The following MRPL42 variants were observed in gnomAD, a reference collection of about 807,000 sequenced individuals.
The protein encoded by MRPL42 is large ribosomal subunit protein mL42.
Under a neutral mutation model 17.9 loss-of-function variants are expected in MRPL42, and 17 were observed. That is an observed-to-expected ratio of 0.95 (90% CI 0.65 to 1.42). The LOEUF (loss-of-function observed/expected upper bound fraction) is 1.42, where lower values mean the gene tolerates loss of function less well. Ranked by LOEUF, MRPL42 falls within the 40% of genes most tolerant of loss-of-function variation. The pLI is 0.00. For missense variants in MRPL42, 177 were observed against 175.2 expected (o/e 1.01, Z -0.06); for synonymous variants, 59 against 54.4 (o/e 1.08, Z -0.37).
rs2061817345 is a variant in MRPL42 at position 93,510,951 on chromosome 12, C to G, written c.*9730C>G. 1 of 152,112 alleles carries G rather than the reference C, an allele frequency of 6.6e-6. No individual in the cohort carries two copies. The highest frequency in any genetic ancestry group is 2.4e-5 in the African/African-American group (1 of 41,432). The allele number at this position is 152,112 out of a possible 1,614,324, so 9.4% of individuals were successfully genotyped here. A position where few individuals can be genotyped will look rare whatever the true frequency, so the allele number is the denominator to read the frequency against. On this transcript the variant is annotated 3_prime_UTR_variant, in exon 6 of 6. Transcript: ENST00000549982. The stretch of plus-strand genomic sequence containing the variant: ...TGTGAAGGTTTGGGGTAATTTGTTT[C>G]ATTTATCTTTAACACCATGTTATGG...
At chr12:93,468,059 G>A (rs562784508) in intron 1 of MRPL42, among the ~76,000 whole-genome samples, 1 of 152,330 alleles carries the variant, frequency 6.6e-6, no homozygotes, top group Admixed American at 6.5e-5. Context: ...GTATTAAGCA[G>A]CGATATACTG....
intron 4 of MRPL42, among the ~76,000 whole-genome samples, chr12:93,483,367 CACTT>C (rs1453569009): frequency 9.9e-5 from 15 of 152,268 alleles, no homozygotes; most frequent in Middle Eastern, 3.4e-3. Context: ...CATAGAGTGT[CACTT>C]ACGCAAACCT....
At position 93,511,806 on chromosome 12, in the gene MRPL42, A is replaced by C. The variant is rs1398233025; in HGVS notation, c.*10585A>C. ...GTGGTTTGAAGCTTTGTAGGAATCC[A>C]ATTGGATGGATAGCAGCAGTGGTAA... On this transcript the variant is annotated 3_prime_UTR_variant, in exon 6 of 6. Coordinates refer to ENST00000549982, the MANE Select transcript of MRPL42 (RefSeq NM_014050.4). The C allele has an allele frequency of 6.6e-6, 1 of 152,242 alleles. No individual in the cohort carries two copies. The highest frequency in any genetic ancestry group is 1.5e-5 in the Non-Finnish European group (1 of 68,042). 9.4% of individuals were successfully genotyped at this position (152,242 alleles called of 1,614,324 possible).
intron 2 of MRPL42, among the ~76,000 whole-genome samples, chr12:93,475,834 A>G (rs1381677119): frequency 6.6e-6 from 1 of 151,860 alleles, no homozygotes; most frequent in African/African-American, 2.4e-5. Flanking sequence ...ATACAAAAAA[A>G]TTAGCCAGGC....
In MRPL42 at chr12:93,501,767, A is replaced by G. The variant is rs1454449096; in HGVS notation, c.*546A>G. 6.6e-6 allele frequency: 1 copy of G among 152,218 alleles called. No individual in the cohort carries two copies. Among genetic ancestry groups the G allele is most frequent in the Non-Finnish European group, 1.5e-5 (1 of 68,040 alleles). The allele number at this position is 152,218 out of a possible 1,614,324, so 9.4% of individuals were successfully genotyped here. Reference sequence around the variant, plus strand: ...TGTTAGTAGTATAAATATGATTAATAAAAATGTGCATGGCTTTCCTGAAGG... The same window carrying G: ...TGTTAGTAGTATAAATATGATTAATGAAAATGTGCATGGCTTTCCTGAAGG... On this transcript the variant is annotated 3_prime_UTR_variant, in exon 6 of 6. Coordinates refer to ENST00000549982, the MANE Select transcript of MRPL42 (RefSeq NM_014050.4).
chr12:93,506,265 T>TTTTTTTTTC lies in MRPL42; in HGVS notation c.*5052_*5053insCTTTTTTTT, dbSNP rs1953668878. The TTTTTTTTTC allele has an allele frequency of 7.1e-6, 1 of 140,012 alleles. No homozygotes were observed. Among genetic ancestry groups the TTTTTTTTTC allele is most frequent in the South Asian group, 2.4e-4 (1 of 4,244 alleles). The allele number at this position is 140,012 out of a possible 1,614,324, so 8.7% of individuals were successfully genotyped here. A position where few individuals can be genotyped will look rare whatever the true frequency, so the allele number is the denominator to read the frequency against. The stretch of plus-strand genomic sequence containing the variant: ...TCAATTCAGCAAGAATGTCTCTTTT[T>TTTTTTTTTC]TTTTTTTTTTTTTTTTTGGGACAGA... On this transcript the variant is annotated 3_prime_UTR_variant, in exon 6 of 6. Transcript: ENST00000549982.
At chr12:93,496,995 CAT>C (rs1400511440) in intron 5 of MRPL42, among the ~76,000 whole-genome samples, 1 of 152,106 alleles carries the variant, frequency 6.6e-6, no homozygotes, top group African/African-American at 2.4e-5. Context: ...TTCCTGAAAA[CAT>C]ACAACCTCGC....
chr12:93,472,095 CCT>C (rs1879938259), intron 2 of MRPL42, among the ~76,000 whole-genome samples: 1 of 152,234 alleles, frequency 6.6e-6, no homozygotes, highest in East Asian at 1.9e-4. Context: ...GTCCCTGGGG[CCT>C]CTCATTCATG....
At chr12:93,473,546 C>T (rs1342333819) in intron 2 of MRPL42, among the ~76,000 whole-genome samples, 1 of 152,150 alleles carries the variant, frequency 6.6e-6, no homozygotes, top group Non-Finnish European at 1.5e-5. Context: ...ATTTTCCTGC[C>T]TCAGCCTCCC....
At position 93,504,011 on chromosome 12, in the gene MRPL42, T is replaced by TC. The variant is rs1290713401; in HGVS notation, c.*2790_*2791insC. On this transcript the variant is annotated 3_prime_UTR_variant, in exon 6 of 6. Transcript: ENST00000549982. ...TTTTAAATTTATTTCTTCTTTTTTT[T>TC]TTCTTATAATCTCATCAGAAGCTGG... is the stretch of plus-strand genomic sequence containing the variant. 2 of 153,416 alleles carry TC rather than the reference T, an allele frequency of 1.3e-5. No homozygotes were observed. The highest frequency in any genetic ancestry group is 4.8e-5 in the African/African-American group (2 of 41,352). The allele number at this position is 153,416 out of a possible 1,614,324, so 9.5% of individuals were successfully genotyped here.
At chr12:93,480,979 A>T (rs1262627155) in intron 4 of MRPL42, among the ~76,000 whole-genome samples, 1 of 152,168 alleles carries the variant, frequency 6.6e-6, no homozygotes, top group Non-Finnish European at 1.5e-5. Context: ...ATAGGCCTAC[A>T]TCACTGAGTT....
intron 4 of MRPL42, among the ~76,000 whole-genome samples, chr12:93,481,738 C>T (rs1880475244): frequency 6.6e-6 from 1 of 152,136 alleles, no homozygotes; most frequent in Non-Finnish European, 1.5e-5. Flanking sequence ...GTAATTGCTA[C>T]TCCTCCTTCC....
In MRPL42 at chr12:93,477,027, A is replaced by G. The variant is rs1880216597; in HGVS notation, c.134+10A>G. On this transcript the variant is annotated intron_variant, in intron 3 of 5. Coordinates refer to ENST00000549982, the MANE Select transcript of MRPL42 (RefSeq NM_014050.4). Reference sequence around the variant, plus strand: ...CAGATGACTATAATTGGTATGTATTAAAATTCAATTGAAGAAATAATAGTC... The same window carrying G: ...CAGATGACTATAATTGGTATGTATTGAAATTCAATTGAAGAAATAATAGTC... 1 of 1,547,906 alleles carries G rather than the reference A, an allele frequency of 6.5e-7. No individual in the cohort carries two copies. The highest frequency in any genetic ancestry group is 1.8e-5 in the Admixed American group (1 of 57,142).
At chr12:93,500,344 A>G (rs1309148215) in intron 5 of MRPL42, among the ~76,000 whole-genome samples, 1 of 152,190 alleles carries the variant, frequency 6.6e-6, no homozygotes, top group Non-Finnish European at 1.5e-5. Context: ...TTTTGAAGTA[A>G]AAGTTTATAC....
chr12:93,487,837 C>A, intron 5 of MRPL42, 177 bp downstream of exon 5: 1 of 531,774 alleles, frequency 1.9e-6, no homozygotes, highest in Non-Finnish European at 3.2e-6. Context: ...CGCTCTGTCA[C>A]CCAGGCTGGA....
chr12:93,486,430 T>C (rs1880744289), intron 4 of MRPL42, among the ~76,000 whole-genome samples: 1 of 152,170 alleles, frequency 6.6e-6, no homozygotes, highest in South Asian at 2.1e-4. Context: ...CTGCAACCTC[T>C]GCCTCCTGGG....
intron 5 of MRPL42, 182 bp downstream of exon 5, chr12:93,487,842 G>T (rs1352006642): frequency 9.8e-6 from 5 of 510,682 alleles, no homozygotes; most frequent in African/African-American, 5.9e-5. Flanking sequence ...TGTCACCCAG[G>T]CTGGAGTGCA....
At chr12:93,474,436 A>G (rs1055286389) in intron 2 of MRPL42, among the ~76,000 whole-genome samples, 3 of 151,512 alleles carry the variant, frequency 2.0e-5, no homozygotes, top group South Asian at 2.1e-4. Flanking sequence ...ACCACACCCC[A>G]CCAGTTTTAA....
intron 3 of MRPL42, among the ~76,000 whole-genome samples, chr12:93,478,458 C>G (rs1264846804): frequency 6.6e-6 from 1 of 151,836 alleles, no homozygotes; most frequent in East Asian, 1.9e-4. Flanking sequence ...TCCATGTTAC[C>G]CAGGCTGGTC....
Sources: gnomAD v4.1 joint callset for allele counts (sites outside exome capture counted in the v4.1 genomes callset) on GRCh38, gnomAD v4.1.1 for gene constraint, MANE v1.5 for transcripts, NCBI Gene and HGNC (gene_info 2026-07-23, HGNC 2026-07-21) for gene names.